Variants in ERP44 observed in about 807,000 individuals in gnomAD.
ERP44 encodes endoplasmic reticulum protein 44.
A neutral mutation model predicts 53.4 loss-of-function variants in ERP44; 25 were observed. The ratio of observed to expected loss-of-function variants is 0.47; its 90% CI spans 0.34 to 0.65. The LOEUF (loss-of-function observed/expected upper bound fraction) is 0.65. Ranked by LOEUF, ERP44 falls within the 30% of genes least tolerant of loss-of-function variation. The pLI is 0.01. For synonymous variants in ERP44, 145 were observed against 161.2 expected (o/e 0.90, Z 0.76); for missense variants, 338 against 493.2 (o/e 0.69, Z 2.98).
chr9:99,996,908 CATAT>C (rs746292113), intron 10 of ERP44, among the ~76,000 whole-genome samples: 2 of 22,484 alleles, frequency 8.9e-5, no homozygotes, highest in Non-Finnish European at 1.4e-4. Context: ...TATATATATA[CATAT>C]ATATATATAT....
chr9:100,081,983 C>A (rs985738895), intron 1 of ERP44, among the ~76,000 whole-genome samples: 1 of 150,386 alleles, frequency 6.6e-6, no homozygotes, highest in Non-Finnish European at 1.5e-5. Flanking sequence ...GATTAATATA[C>A]AAAATTAATA....
chr9:99,998,345 T>C (rs2118619479), intron 10 of ERP44: 1 of 553,340 alleles, frequency 1.8e-6, no homozygotes, highest in Non-Finnish European at 3.3e-6. Context: ...CCCGAACCTT[T>C]TGCCTTGCAG....
At chr9:100,004,943 A>G (rs1003886671) in intron 10 of ERP44, among the ~76,000 whole-genome samples, 1 of 152,118 alleles carries the variant, frequency 6.6e-6, no homozygotes. Flanking sequence ...CCTCTAATCT[A>G]TTTTCCAAAT....
chr9:100,020,102 C>G (rs1029713197), intron 6 of ERP44, among the ~76,000 whole-genome samples: 1 of 152,184 alleles, frequency 6.6e-6, no homozygotes, highest in Non-Finnish European at 1.5e-5. Context: ...GCAGGAACAA[C>G]TGATGGATCA....
At chr9:100,016,295 T>G (rs1830525029) in intron 8 of ERP44, 27 bp downstream of exon 8, 26 of 1,574,768 alleles carry the variant, frequency 1.7e-5, no homozygotes, top group Non-Finnish European at 2.2e-5. Context: ...GAATTTAAAG[T>G]AACAATGCAC....
At chr9:99,998,993 A>G (rs1354311266) in intron 10 of ERP44, 12 of 1,282,904 alleles carry the variant, frequency 9.4e-6, no homozygotes, top group African/African-American at 4.4e-5. Context: ...GCGGCAAAGA[A>G]CTGGAAGTAG....
Position 100,019,662 on chromosome 9 carries a change from GA to G in ERP44, c.587+953del, listed in dbSNP as rs544699519. Among the ~76,000 whole-genome samples, 30 of 141,926 alleles carry G rather than the reference GA, an allele frequency of 2.1e-4. No homozygotes were observed. In the East Asian group the frequency reaches 2.6e-3, roughly 12 times the overall value. 93.1% of individuals were successfully genotyped at this position (141,926 alleles called of 152,430 possible). A position where few individuals can be genotyped will look rare whatever the true frequency, so the allele number is the denominator to read the frequency against. ...AAAAATGATTCCATCTTGAGAAAAA[GA>G]AAAAAAAAAGGGAGATAAAGTCACA... On this transcript the variant is annotated intron_variant, in intron 6 of 11. Coordinates refer to ENST00000262455, the MANE Select transcript of ERP44 (RefSeq NM_015051.3).
intron 4 of ERP44, among the ~76,000 whole-genome samples, chr9:100,033,198 A>G (rs1825811104): frequency 6.6e-6 from 1 of 152,200 alleles, no homozygotes; most frequent in Non-Finnish European, 1.5e-5. Context: ...TCATGACACA[A>G]TTGGAAAAAT....
chr9:100,001,313 C>T (rs1340900768), intron 10 of ERP44, among the ~76,000 whole-genome samples: 3 of 152,082 alleles, frequency 2.0e-5, no homozygotes. Context: ...GAATGTGTAT[C>T]TTGCTTCAGT....
chr9:99,999,853 T>A (rs1047588983), intron 10 of ERP44, among the ~76,000 whole-genome samples: 1 of 152,224 alleles, frequency 6.6e-6, no homozygotes, highest in Admixed American at 6.5e-5. Flanking sequence ...GATATTTGTA[T>A]ACGGGGCGAG....
At chr9:100,095,310 GT>G (rs1467005668) in intron 1 of ERP44, among the ~76,000 whole-genome samples, 1 of 152,114 alleles carries the variant, frequency 6.6e-6, no homozygotes, top group Non-Finnish European at 1.5e-5. Flanking sequence ...CAGAGGATCA[GT>G]TTCCTAAACA....
intron 1 of ERP44, among the ~76,000 whole-genome samples, chr9:100,072,055 T>C (rs1187612893): frequency 6.6e-6 from 1 of 152,228 alleles, no homozygotes; most frequent in Non-Finnish European, 1.5e-5. Flanking sequence ...TAATGATCAT[T>C]AGAAGAATCT....
chr9:100,003,692 C>T (rs2118628341), intron 10 of ERP44, among the ~76,000 whole-genome samples: 1 of 152,062 alleles, frequency 6.6e-6, no homozygotes, highest in South Asian at 2.1e-4. Context: ...AGCCTGGGTC[C>T]ACTAGAGCTG....
At position 100,015,662 on chromosome 9, in the gene ERP44, T is replaced by C. The variant is rs184791563; in HGVS notation, c.762+660A>G. Among the ~76,000 whole-genome samples the C allele has an allele frequency of 1.2e-4, 18 of 152,344 alleles. No homozygotes were observed. The East Asian group carries it at 1.3e-3, about 11-fold the overall frequency. ...TGTATAGAAATAATTGTAACTAAAA[T>C]CTGCAAAGCATTGCTCCTAAAGCAG... is the stretch of plus-strand genomic sequence containing the variant. On this transcript the variant is annotated intron_variant, in intron 8 of 11. Coordinates refer to ENST00000262455, the MANE Select transcript of ERP44 (RefSeq NM_015051.3).
intron 1 of ERP44, among the ~76,000 whole-genome samples, chr9:100,065,719 C>G (rs1305970358): frequency 6.6e-6 from 1 of 152,074 alleles, no homozygotes; most frequent in African/African-American, 2.4e-5. Context: ...ACTTCTTGTA[C>G]AGTGCTATAA....
At chr9:100,036,349 T>C (rs1186056086) in intron 4 of ERP44, among the ~76,000 whole-genome samples, 1 of 152,212 alleles carries the variant, frequency 6.6e-6, no homozygotes, top group African/African-American at 2.4e-5. Flanking sequence ...TGCAGCAACC[T>C]GGATGCAGCT....
chr9:99,983,539 G>C lies in ERP44; in HGVS notation c.1120-826C>G, dbSNP rs1192000043. ...CGCAGTCCGACCTGGGCGACAGAGCGAGACTCCGTCTCAAAAAAAAAAAAA... is the reference window on the plus strand; with the variant it reads ...CGCAGTCCGACCTGGGCGACAGAGCCAGACTCCGTCTCAAAAAAAAAAAAA... On this transcript the variant is annotated intron_variant, in intron 11 of 11. Transcript: ENST00000262455. Among the ~76,000 whole-genome samples the C allele has an allele frequency of 3.1e-4, 40 of 129,564 alleles. 1 individual carries two copies. The highest frequency in any genetic ancestry group is 1.1e-3 in the Admixed American group (12 of 11,306). 85.0% of individuals were successfully genotyped at this position (129,564 alleles called of 152,430 possible).
chr9:100,010,672 C>T (rs753079855), intron 8 of ERP44, among the ~76,000 whole-genome samples: 10 of 151,976 alleles, frequency 6.6e-5, no homozygotes, highest in South Asian at 2.1e-4. Flanking sequence ...GAGTCTGAGG[C>T]GGGTGGATCA....
At chr9:100,083,272 G>A (rs1360657490) in intron 1 of ERP44, among the ~76,000 whole-genome samples, 2 of 151,978 alleles carry the variant, frequency 1.3e-5, no homozygotes, top group Non-Finnish European at 2.9e-5. Context: ...TCATCAACTA[G>A]ATAGTGGATA....
Sources: allele counts gnomAD v4.1 joint callset (sites outside exome capture counted in the v4.1 genomes callset), GRCh38; gene constraint gnomAD v4.1.1; transcripts MANE v1.5; gene names NCBI Gene and HGNC (gene_info 2026-07-23, HGNC 2026-07-21).